ABCA4: variants seen among roughly 807,000 people sequenced by gnomAD.
ABCA4 encodes the protein ATP binding cassette subfamily A member 4.
A neutral mutation model predicts 263.7 loss-of-function variants in ABCA4; 196 were observed. The ratio of observed to expected loss-of-function variants is 0.74; its 90% CI spans 0.66 to 0.84. The LOEUF (loss-of-function observed/expected upper bound fraction) is 0.84. Ranked by LOEUF, ABCA4 falls within the 40% of genes least tolerant of loss-of-function variation. ABCA4 has a pLI of 0.00. For missense variants in ABCA4, 2,792 were observed against 2,855.1 expected (o/e 0.98, Z 0.50); for synonymous variants, 1,133 against 1,094.2 (o/e 1.04, Z -0.70).
rs1210484040 is a variant in ABCA4 at position 94,041,213 on chromosome 1, C to T, written c.3518G>A (p.Ser1173Asn). 6.2e-7 allele frequency: 1 copy of T among 1,614,166 alleles called. No individual in the cohort carries two copies. Among genetic ancestry groups the T allele is most frequent in the Admixed American group, 1.7e-5 (1 of 60,032 alleles). Reference sequence around the variant, plus strand: ...CTTCCCTGGGCAGACACCTACCTCACTGCCTTTCCTTTGGCTCTGGATGTT... The same window carrying T: ...CTTCCCTGGGCAGACACCTACCTCATTGCCTTTCCTTTGGCTCTGGATGTT... ...MKNIQSQRKG[S>N]EGTCSCSSKG... Residue 1173 changes from serine (S) to asparagine (N), a missense_variant, in exon 23 of 50, where the codon AGT becomes AAT. Ser to Asn is a conservative substitution (Grantham distance 46). Transcript: ENST00000370225.
At chr1:93,993,464 T>C (rs574870927) in intron 49 of ABCA4, among the ~76,000 whole-genome samples, 3 of 151,924 alleles carry the variant, frequency 2.0e-5, no homozygotes, top group East Asian at 1.9e-4. Context: ...AGGCATTTGT[T>C]ACAAAGACAC....
At position 94,037,372 on chromosome 1, in the gene ABCA4, A is replaced by ACAGCTC. The variant is rs1374634967; in HGVS notation, c.3608-23_3608-22insGAGCTG. 3.7e-6 allele frequency: 6 copies of ACAGCTC among 1,608,660 alleles called. No homozygotes were observed. The African/African-American group carries it at 6.7e-5, about 18-fold the overall frequency. On this transcript the variant is annotated intron_variant, in intron 24 of 49. Transcript: ENST00000370225. ...TCCCCTAGGACAAGAAAAAAGACTG[A>ACAGCTC]TGCCAGCTCTGTTTTCCAGAAACTG...
chr1:94,057,242 A>G (rs1488364784), intron 14 of ABCA4, among the ~76,000 whole-genome samples: 1 of 152,154 alleles, frequency 6.6e-6, no homozygotes, highest in Non-Finnish European at 1.5e-5. Flanking sequence ...ACCACTTGTG[A>G]TCTGGAGCCT....
Position 94,005,571 on chromosome 1 carries a change from T to C in ABCA4, c.6017A>G (p.Asn2006Ser), listed in dbSNP as rs2101000596. ...CATATTTTGATGGACTTCAGAAATA[T>C]TGGTTAAAATACTGCAAGAAAAAAA... ...ATVAGKSILT[N>S]ISEVHQNMGY... The change falls in exon 44 of 50, where the codon AAT becomes AGT. Residue 2006 changes from asparagine (N) to serine (S), a missense_variant. Physicochemically the swap from Asn to Ser is conservative, Grantham distance 46. Transcript: ENST00000370225. The C allele has an allele frequency of 5.6e-6, 9 of 1,613,992 alleles. No homozygotes were observed. Among genetic ancestry groups the C allele is most frequent in the East Asian group, 2.2e-5 (1 of 44,886 alleles).
chr1:94,010,169 C>A (rs1659507114), intron 40 of ABCA4, among the ~76,000 whole-genome samples: 1 of 152,176 alleles, frequency 6.6e-6, no homozygotes, highest in South Asian at 2.1e-4. Context: ...GCAATTCAGG[C>A]CCCTGGGTGA....
At position 94,098,996 on chromosome 1, in the gene ABCA4, AG is replaced by A. The variant is rs754636490; in HGVS notation, c.571-6del. 1 of 1,602,718 alleles carries A rather than the reference AG, an allele frequency of 6.2e-7. No homozygotes were observed. On this transcript the variant is annotated splice_polypyrimidine_tract_variant and splice_region_variant and intron_variant, in intron 5 of 49. Transcript: ENST00000370225. Reference sequence around the variant, plus strand: ...GTCCGGGACTCCATGAGCGAACTGCAGGGAGAAGAGGCAACACTAGAAACTG... The same window carrying A: ...GTCCGGGACTCCATGAGCGAACTGCAGGAGAAGAGGCAACACTAGAAACTG...
At position 94,031,948 on chromosome 1, in the gene ABCA4, A is replaced by C. The variant is rs771682963; in HGVS notation, c.3958T>G (p.Cys1320Gly). ...TGAGCAGCCGGCGCCCCTGGGGAGC[A>C]GACATTGGAGTCCTGGGGTGTCTGT... The part of the protein sequence containing the change: ...AGQTPQDSNV[C>G]SPGAPAAHPE... Residue 1320 changes from cysteine (C) to glycine (G), a missense_variant, in exon 27 of 50, where the codon TGC (cysteine) becomes GGC (glycine). Physicochemically the swap from Cys to Gly is radical, Grantham distance 159. Coordinates refer to ENST00000370225, the MANE Select transcript of ABCA4 (RefSeq NM_000350.3). 4 of 1,614,008 alleles carry C rather than the reference A, an allele frequency of 2.5e-6. No homozygotes were observed. Among genetic ancestry groups the C allele is most frequent in the Non-Finnish European group, 3.4e-6 (4 of 1,180,018 alleles).
At chr1:94,019,400 A>C in intron 36 of ABCA4, 182 bp downstream of exon 36, 1 of 685,628 alleles carries the variant, frequency 1.5e-6, no homozygotes, top group South Asian at 1.9e-5. Context: ...TCGGGCTCCT[A>C]GTTCTGTGCC....
chr1:94,018,727 A>G, intron 36 of ABCA4: 1 of 409,512 alleles, frequency 2.4e-6, no homozygotes, highest in Non-Finnish European at 4.8e-6. Context: ...GGTTGATGTC[A>G]TAATGATCCC....
At chr1:94,036,424 T>C (rs933528507) in intron 26 of ABCA4, among the ~76,000 whole-genome samples, 1 of 151,412 alleles carries the variant, frequency 6.6e-6, no homozygotes, top group Non-Finnish European at 1.5e-5. Flanking sequence ...TCGCTCAGGC[T>C]GCAGTGCAGT....
At chr1:94,077,479 G>A (rs1349733095) in intron 11 of ABCA4, among the ~76,000 whole-genome samples, 1 of 152,228 alleles carries the variant, frequency 6.6e-6, no homozygotes, top group African/African-American at 2.4e-5. Context: ...AGTAGGAGAT[G>A]TGAAGAGGAA....
chr1:94,011,333 T>G lies in ABCA4; in HGVS notation c.5513A>C (p.His1838Pro). 1 of 1,613,874 alleles carries G rather than the reference T, an allele frequency of 6.2e-7. No individual in the cohort carries two copies. Among genetic ancestry groups the G allele is most frequent in the South Asian group, 1.1e-5 (1 of 91,068 alleles). The part of the protein sequence containing the change: ...VLRKLLIVFP[H>P]FCLGRGLIDL... ...AATGAGGCCCCGGCCCAGGCAGAAG[T>G]GGGGGAAGACAATGAGCAGCTTCCT... Residue 1838 changes from histidine (H) to proline (P), a missense_variant, in exon 39 of 50, where the codon CAC (histidine) becomes CCC (proline). Coordinates refer to ENST00000370225, the MANE Select transcript of ABCA4 (RefSeq NM_000350.3).
rs367857935 is a variant in ABCA4 at position 94,011,383 on chromosome 1, C to T, written c.5463G>A (p.Thr1821=). ...TCAGCACGGCGTTGAACCTGAGCAG[C>T]GTCTGAAACAGAGAAGTAGGACTGT... ...FILELFENNR[T]LLRFNAVLRK... The change falls in exon 39 of 50, where the codon ACG becomes ACA. Residue 1821 remains threonine (T), a splice_region_variant and synonymous_variant. Coordinates refer to ENST00000370225, the MANE Select transcript of ABCA4 (RefSeq NM_000350.3). The T allele has an allele frequency of 1.5e-5, 25 of 1,613,758 alleles. No individual in the cohort carries two copies. The highest frequency in any genetic ancestry group is 9.9e-5 in the South Asian group (9 of 91,078).
At chr1:94,007,212 T>C (rs111696022) in intron 43 of ABCA4, among the ~76,000 whole-genome samples, 46 of 152,334 alleles carry the variant, frequency 3.0e-4, no homozygotes, top group African/African-American at 1.1e-3. Context: ...CAAGAGCTCC[T>C]GCAGGATCAT....
chr1:94,004,781 C>T (rs897817891), intron 44 of ABCA4, among the ~76,000 whole-genome samples: 2 of 152,078 alleles, frequency 1.3e-5, no homozygotes, highest in African/African-American at 4.8e-5. Flanking sequence ...TCTTTCTTCC[C>T]ATTTTCTTCT....
intron 7 of ABCA4, among the ~76,000 whole-genome samples, chr1:94,082,574 C>T (rs537858134): frequency 6.6e-6 from 1 of 152,290 alleles, no homozygotes; most frequent in African/African-American, 2.4e-5. Flanking sequence ...GGTTGAGATG[C>T]GTTTTATAAA....
intron 22 of ABCA4, among the ~76,000 whole-genome samples, chr1:94,042,144 A>G (rs971837551): frequency 6.6e-6 from 1 of 151,818 alleles, no homozygotes; most frequent in African/African-American, 2.4e-5. Flanking sequence ...GAAAATAGCA[A>G]TGAGGATTTC....
intron 4 of ABCA4, among the ~76,000 whole-genome samples, chr1:94,103,493 C>G (rs937018926): frequency 2.6e-5 from 4 of 152,160 alleles, no homozygotes; most frequent in Non-Finnish European, 5.9e-5. Context: ...TTGGCAAGAT[C>G]TAAAGACATT....
chr1:94,048,459 T>A (rs1388245301), intron 18 of ABCA4, among the ~76,000 whole-genome samples: 2 of 152,184 alleles, frequency 1.3e-5, no homozygotes, highest in Non-Finnish European at 2.9e-5. Context: ...TGTAGTCAGC[T>A]CCCCTGGAGT....
Sources: gnomAD v4.1 joint callset for allele counts (sites outside exome capture counted in the v4.1 genomes callset) on GRCh38, gnomAD v4.1.1 for gene constraint, MANE v1.5 for transcripts, NCBI Gene and HGNC (gene_info 2026-07-23, HGNC 2026-07-21) for gene names.